ERI1: variants seen among roughly 807,000 people sequenced by gnomAD.
ERI1 encodes exoribonuclease 1.
In ERI1, 39 loss-of-function variants were observed where a neutral mutation model predicts 39.7. That is an observed-to-expected ratio of 0.98 (90% confidence interval 0.76 to 1.28). The LOEUF is 1.28. ERI1 is among the 50% of genes most tolerant of loss of function. The pLI is 0.00. For synonymous variants in ERI1, 204 were observed against 149.6 expected, an observed-to-expected ratio of 1.36 and a Z score of -2.65; for missense variants, 581 against 416.9, an observed-to-expected ratio of 1.39 and a Z score of -3.43.
intron 4 of ERI1, among the ~76,000 whole-genome samples, chr8:9,017,544 G>A (rs954450796): frequency 6.6e-5 from 10 of 152,216 alleles, no homozygotes; most frequent in South Asian, 2.1e-4. Flanking sequence ...GTTTTATTGC[G>A]GTGTTGTGGA....
chr8:9,059,417 T>C (rs957285890), intron 3 of ERI1, among the ~76,000 whole-genome samples: 1 of 152,030 alleles, frequency 6.6e-6, no homozygotes, highest in African/African-American at 2.4e-5. Flanking sequence ...CGGGCGATGT[T>C]TCTCAGGGCT....
In ERI1 at chr8:9,030,641, A is replaced by T. The variant is rs1225703608; in HGVS notation, c.*607A>T. 6.6e-6 allele frequency: 1 copy of T among 152,478 alleles called. No individual in the cohort carries two copies. The highest frequency in any genetic ancestry group is 1.5e-5 in the Non-Finnish European group (1 of 68,208). The allele number at this position is 152,478 out of a possible 1,614,324, so 9.4% of individuals were successfully genotyped here. On this transcript the variant is annotated 3_prime_UTR_variant, in exon 7 of 7. Coordinates refer to ENST00000250263, the MANE Select transcript of ERI1 (RefSeq NM_153332.4). ...ATAGGGTTTGGTTAAAAATCCAGTT[A>T]CTGAAGGAATTAATGAAAACGTAGA...
intron 3 of ERI1, among the ~76,000 whole-genome samples, chr8:9,053,418 G>A (rs1268707741): frequency 6.6e-6 from 1 of 152,184 alleles, no homozygotes; most frequent in Non-Finnish European, 1.5e-5. Context: ...AGCTCATGAT[G>A]TGCTGGGAGG....
At chr8:9,029,297 C>T (rs908448094) in intron 6 of ERI1, among the ~76,000 whole-genome samples, 38 of 152,098 alleles carry the variant, frequency 2.5e-4, no homozygotes, top group African/African-American at 8.7e-4. Flanking sequence ...GTATTTTCAG[C>T]TGAAACTCTT....
At chr8:9,071,296 T>G (rs769816787) in intron 3 of ERI1, among the ~76,000 whole-genome samples, 5 of 152,228 alleles carry the variant, frequency 3.3e-5, no homozygotes, top group Non-Finnish European at 5.9e-5. Flanking sequence ...AGCTTCAGTG[T>G]TTGATAAATA....
chr8:9,013,887 C>G (rs1250584618), intron 3 of ERI1, among the ~76,000 whole-genome samples: 1 of 152,178 alleles, frequency 6.6e-6, no homozygotes, highest in African/African-American at 2.4e-5. Context: ...AACCCAGTCA[C>G]TTAACTGAAC....
chr8:9,056,226 G>A (rs942573460), intron 3 of ERI1, among the ~76,000 whole-genome samples: 7 of 152,328 alleles, frequency 4.6e-5, no homozygotes, highest in Non-Finnish European at 7.3e-5. Context: ...CTGTCTCTGC[G>A]GATTTGGGAT....
chr8:9,083,231 C>A (rs73197735), intron 3 of ERI1, among the ~76,000 whole-genome samples: 14,834 of 152,176 alleles, frequency 0.097, 966 homozygotes, highest in Non-Finnish European at 0.15. Context: ...TTATCTTGAT[C>A]TACTTTCAGT....
chr8:9,029,674 G>C (rs1797446414), intron 6 of ERI1, 118 bp from the exon 7 acceptor site: 1 of 1,254,568 alleles, frequency 8.0e-7, no homozygotes, highest in Non-Finnish European at 1.1e-6. Context: ...ATTGCCCTTT[G>C]CCTAGCTTTA....
intron 3 of ERI1, among the ~76,000 whole-genome samples, chr8:9,084,456 T>G (rs1799464050): frequency 6.6e-6 from 1 of 152,192 alleles, no homozygotes; most frequent in African/African-American, 2.4e-5. Flanking sequence ...TGCCCCACGT[T>G]TATCATTGTG....
At chr8:9,010,481 G>A (rs1340400345) in intron 2 of ERI1, among the ~76,000 whole-genome samples, 1 of 151,988 alleles carries the variant, frequency 6.6e-6, no homozygotes, top group African/African-American at 2.4e-5. Context: ...TCTTAAAAAA[G>A]CTAACTGGTT....
chr8:9,044,355 G>A (rs548273714), intron 3 of ERI1, among the ~76,000 whole-genome samples: 5 of 152,112 alleles, frequency 3.3e-5, no homozygotes, highest in African/African-American at 4.8e-5. Context: ...TGAAAGAAGC[G>A]AGGTGACTTT....
intron 1 of ERI1, among the ~76,000 whole-genome samples, chr8:9,007,466 G>A (rs952785126): frequency 6.6e-6 from 1 of 152,180 alleles, no homozygotes; most frequent in African/African-American, 2.4e-5. Context: ...AGGGCTTGTT[G>A]TATAGCCTGT....
At chr8:9,021,668 C>T (rs1011221622) in intron 6 of ERI1, among the ~76,000 whole-genome samples, 8 of 151,772 alleles carry the variant, frequency 5.3e-5, no homozygotes, top group African/African-American at 1.9e-4. Flanking sequence ...TCTTATTATT[C>T]CTTATAGCTT....
At chr8:9,015,432 C>A (rs1418159202) in intron 3 of ERI1, among the ~76,000 whole-genome samples, 1 of 152,048 alleles carries the variant, frequency 6.6e-6, no homozygotes, top group Admixed American at 6.5e-5. Context: ...GGAAAAAGCA[C>A]TTAGAGATCG....
intron 3 of ERI1, among the ~76,000 whole-genome samples, chr8:9,013,207 G>T (rs1396509358): frequency 6.6e-6 from 1 of 151,302 alleles, no homozygotes. Flanking sequence ...TAGAGACAGG[G>T]TTTCATCATG....
chr8:9,021,972 T>A (rs2117258283), intron 6 of ERI1, among the ~76,000 whole-genome samples: 1 of 152,144 alleles, frequency 6.6e-6, no homozygotes, highest in South Asian at 2.1e-4. Context: ...GTTGTGCATG[T>A]CCCCTGGTGT....
intron 6 of ERI1, among the ~76,000 whole-genome samples, chr8:9,021,158 A>C (rs1817847922): frequency 6.6e-6 from 1 of 152,128 alleles, no homozygotes; most frequent in African/African-American, 2.4e-5. Context: ...GAGTGTCCAC[A>C]ACTTTCCCCT....
At chr8:9,083,532 A>G (rs1799431947) in intron 3 of ERI1, among the ~76,000 whole-genome samples, 1 of 152,146 alleles carries the variant, frequency 6.6e-6, no homozygotes, top group Non-Finnish European at 1.5e-5. Flanking sequence ...CTCAGTATCC[A>G]GCCTTAGCAA....
Sources: gnomAD v4.1 joint callset for allele counts (sites outside exome capture counted in the v4.1 genomes callset) on GRCh38, gnomAD v4.1.1 for gene constraint, MANE v1.5 for transcripts, NCBI Gene and HGNC (gene_info 2026-07-23, HGNC 2026-07-21) for gene names.